Variants in RTL4 observed in about 807,000 individuals in gnomAD.
The protein encoded by RTL4 is retrotransposon Gag-like protein 4.
A neutral mutation model predicts 5.3 loss-of-function variants in RTL4; 4 were observed. The observed-to-expected ratio is 0.75, with a 90% confidence interval of 0.37 to 1.72. The LOEUF is 1.72. Ranked by LOEUF, RTL4 falls within the 40% of genes most tolerant of loss-of-function variation. The pLI, the probability that RTL4 is intolerant of heterozygous loss-of-function variation, is 0.04. For synonymous variants in RTL4, 98 were observed against 87.3 expected (o/e 1.12, Z -0.68); for missense variants, 260 against 227.1 (o/e 1.14, Z -0.93).
the RTL4 span, among the ~76,000 whole-genome samples, chrX:112,357,746 G>A: frequency 2.7e-5 from 3 of 111,666 alleles, no homozygotes; most frequent in African/African-American, 9.7e-5. Context: ...TATAATCAGA[G>A]CATGATGTTT....
chrX:112,327,765 G>C, the RTL4 span, among the ~76,000 whole-genome samples: 1 of 111,215 alleles, frequency 9.0e-6, no homozygotes, highest in Non-Finnish European at 1.9e-5. Flanking sequence ...AGAAAGGTCG[G>C]GTTAACCTCA....
the RTL4 span, among the ~76,000 whole-genome samples, chrX:112,147,404 CT>C: frequency 9.0e-6 from 1 of 110,989 alleles, no homozygotes; most frequent in Admixed American, 9.6e-5. Context: ...CCCCCTCCCC[CT>C]TGTGACCAAG....
the RTL4 span, among the ~76,000 whole-genome samples, chrX:112,281,389 A>G: frequency 1.8e-5 from 2 of 112,119 alleles, no homozygotes; most frequent in African/African-American, 3.2e-5. Flanking sequence ...CCATTCATCC[A>G]TTGATGAACA....
At chrX:112,222,027 A>G in the RTL4 span, among the ~76,000 whole-genome samples, 1 of 112,101 alleles carries the variant, frequency 8.9e-6, no homozygotes, top group East Asian at 2.8e-4. Flanking sequence ...CACCTTATAC[A>G]CAATAAATAT....
chrX:112,337,273 ATTAT>A, the RTL4 span, among the ~76,000 whole-genome samples: 2 of 111,974 alleles, frequency 1.8e-5, no homozygotes, highest in African/African-American at 6.5e-5. Flanking sequence ...ATAGAAAATA[ATTAT>A]TTATTTTATT....
the RTL4 span, among the ~76,000 whole-genome samples, chrX:112,277,858 C>T: frequency 9.0e-6 from 1 of 111,451 alleles, no homozygotes; most frequent in Non-Finnish European, 1.9e-5. Context: ...AAAATGAATC[C>T]TGAATACTGA....
chrX:112,303,128 C>T, the RTL4 span, among the ~76,000 whole-genome samples: 3 of 111,593 alleles, frequency 2.7e-5, no homozygotes, highest in African/African-American at 6.5e-5. Flanking sequence ...CCGTGGTCCA[C>T]GTAGACCACA....
the RTL4 span, among the ~76,000 whole-genome samples, chrX:112,418,009 G>A: frequency 1.8e-5 from 2 of 110,663 alleles, no homozygotes; most frequent in African/African-American, 3.3e-5. Flanking sequence ...TTAGCCGGGC[G>A]TGGTGGCATG....
the RTL4 span, among the ~76,000 whole-genome samples, chrX:112,417,439 C>T: frequency 1.8e-5 from 2 of 111,971 alleles, no homozygotes; most frequent in Non-Finnish European, 3.8e-5. Context: ...GGGTCACAAA[C>T]TAGTGACCCA....
At chrX:112,139,223 G>A in the RTL4 span, among the ~76,000 whole-genome samples, 72 of 111,392 alleles carry the variant, frequency 6.5e-4, no homozygotes, top group African/African-American at 1.9e-3. Flanking sequence ...ATGACTTATC[G>A]TGGGTGATAT....
chrX:112,341,518 C>T, the RTL4 span, among the ~76,000 whole-genome samples: 1 of 111,333 alleles, frequency 9.0e-6, no homozygotes, highest in Non-Finnish European at 1.9e-5. Flanking sequence ...CTAAAGTTCA[C>T]CATGTTGGTT....
chrX:112,227,046 C>T, the RTL4 span, among the ~76,000 whole-genome samples: 2 of 105,812 alleles, frequency 1.9e-5, no homozygotes, highest in African/African-American at 7.6e-5. Context: ...GATAGTATAG[C>T]TTTCCCCATA....
the RTL4 span, among the ~76,000 whole-genome samples, chrX:112,201,119 C>T: frequency 4.5e-5 from 5 of 111,373 alleles, no homozygotes; most frequent in Non-Finnish European, 9.4e-5. Flanking sequence ...AAGGCACCTT[C>T]TTCACAAGGC....
At chrX:112,295,127 C>T in the RTL4 span, among the ~76,000 whole-genome samples, 6 of 112,481 alleles carry the variant, frequency 5.3e-5, no homozygotes, top group Admixed American at 5.6e-4. Context: ...TTGGAGGCAA[C>T]ACAGCAGCTA....
chrX:112,085,333 A>G, the RTL4 span, among the ~76,000 whole-genome samples: 1 of 112,592 alleles, frequency 8.9e-6, no homozygotes, highest in South Asian at 3.7e-4. Context: ...CTATTCAAAT[A>G]CCATGACAGG....
At chrX:112,229,914 C>T in the RTL4 span, among the ~76,000 whole-genome samples, 18 of 111,944 alleles carry the variant, frequency 1.6e-4, no homozygotes, top group Non-Finnish European at 3.2e-4. Flanking sequence ...GAGTACCCGG[C>T]CGTGTGAGGT....
At chrX:112,130,507 C>T in the RTL4 span, among the ~76,000 whole-genome samples, 3 of 109,817 alleles carry the variant, frequency 2.7e-5, no homozygotes, top group Non-Finnish European at 5.7e-5. Context: ...TGCATGCATG[C>T]TTATTTAATA....
chrX:112,129,911 G>A, the RTL4 span, among the ~76,000 whole-genome samples: 1 of 112,006 alleles, frequency 8.9e-6, no homozygotes. Context: ...GCATAAAAAT[G>A]TTAAATTCTT....
At chrX:112,191,600 T>A in the RTL4 span, among the ~76,000 whole-genome samples, 1 of 112,120 alleles carries the variant, frequency 8.9e-6, no homozygotes, top group South Asian at 3.7e-4. Flanking sequence ...AAATTCTGAC[T>A]GCATTTTGTA....
Sources: allele counts gnomAD v4.1 joint callset (sites outside exome capture counted in the v4.1 genomes callset), GRCh38; gene constraint gnomAD v4.1.1; transcripts MANE v1.5; gene names NCBI Gene and HGNC (gene_info 2026-07-23, HGNC 2026-07-21).